SMIM23: variants seen among roughly 807,000 people sequenced by gnomAD.
SMIM23 encodes small integral membrane protein 23.
Under a neutral mutation model 12.8 loss-of-function variants are expected in SMIM23, and 10 were observed. That is an observed-to-expected ratio of 0.78 (90% confidence interval 0.48 to 1.32). The LOEUF is 1.32. Among genes scored for constraint, SMIM23 ranks in the 40% most tolerant of loss-of-function variants. SMIM23 has a pLI of 0.00. For missense variants in SMIM23, 184 were observed against 198.2 expected (o/e 0.93, Z 0.43); for synonymous variants, 78 against 80.1 (o/e 0.97, Z 0.14).
chr5:171,788,947 C>T (rs1296197395), intron 1 of SMIM23, among the ~76,000 whole-genome samples: 1 of 152,252 alleles, frequency 6.6e-6, no homozygotes, highest in African/African-American at 2.4e-5. Context: ...TCAAGCGATG[C>T]TCCTGCCTCA....
chr5:171,774,568 T>C, the SMIM23 span: 16 of 455,910 alleles, frequency 3.5e-5, no homozygotes, highest in Non-Finnish European at 7.1e-5. Flanking sequence ...TTATCTTGCG[T>C]AGGCCCATGG....
upstream of SMIM23, among the ~76,000 whole-genome samples, chr5:171,785,497 C>A (rs1356345134): frequency 2.0e-5 from 3 of 151,876 alleles, no homozygotes; most frequent in Non-Finnish European, 4.4e-5. Flanking sequence ...AATCCTCCAG[C>A]CTCAGCCTCC....
At chr5:171,784,104 A>C (rs958588586), upstream of SMIM23, among the ~76,000 whole-genome samples, 7 of 152,202 alleles carry the variant, frequency 4.6e-5, no homozygotes, top group African/African-American at 7.2e-5. Flanking sequence ...TTGCTTAATA[A>C]AATTTAAAAA....
At chr5:171,774,302 G>A in the SMIM23 span, 36 of 411,344 alleles carry the variant, frequency 8.8e-5, no homozygotes, top group South Asian at 6.2e-4. Context: ...TTGACATAAT[G>A]GCCTGTGAAA....
At chr5:171,785,600 TAGA>T (rs1181400610), upstream of SMIM23, among the ~76,000 whole-genome samples, 2 of 152,160 alleles carry the variant, frequency 1.3e-5, no homozygotes, top group Non-Finnish European at 2.9e-5. Context: ...CTTGCAAATA[TAGA>T]AGAAAATAAT....
At chr5:171,790,176 C>T (rs1408622279) in intron 1 of SMIM23, 54 bp from the exon 2 acceptor site, 14 of 1,507,822 alleles carry the variant, frequency 9.3e-6, no homozygotes, top group Non-Finnish European at 1.2e-5. Flanking sequence ...GCAGGGGGAC[C>T]TGGAGAGAAT....
At chr5:171,780,534 T>C (rs903373962), upstream of SMIM23, among the ~76,000 whole-genome samples, 12 of 152,228 alleles carry the variant, frequency 7.9e-5, no homozygotes, top group African/African-American at 2.9e-4. Flanking sequence ...AATTCATTAC[T>C]TTTTTTGTGT....
chr5:171,777,788 C>T (rs937016546), upstream of SMIM23, among the ~76,000 whole-genome samples: 6 of 152,162 alleles, frequency 3.9e-5, no homozygotes, highest in African/African-American at 1.4e-4. Context: ...CTCCATCCCT[C>T]CTTTCCTGGA....
chr5:171,780,004 T>TGAGACTTA, upstream of SMIM23, among the ~76,000 whole-genome samples: 1 of 152,210 alleles, frequency 6.6e-6, no homozygotes, highest in South Asian at 2.1e-4. Flanking sequence ...TTCAGATAAC[T>TGAGACTTA]GAGACTTAGA....
chr5:171,785,087 G>A (rs575373780), upstream of SMIM23, among the ~76,000 whole-genome samples: 673 of 152,288 alleles, frequency 4.4e-3, 3 homozygotes, highest in Non-Finnish European at 7.2e-3. Flanking sequence ...GCCCCTTGTA[G>A]TTTTGAAACT....
chr5:171,786,488 G>A (rs1036882136), intron 1 of SMIM23, among the ~76,000 whole-genome samples: 4 of 152,264 alleles, frequency 2.6e-5, no homozygotes, highest in Non-Finnish European at 4.4e-5. Context: ...CAAAAGGGCC[G>A]TACAACTGGG....
Position 171,790,915 on chromosome 5 carries a change from C to T in SMIM23, c.346C>T (p.Gln116Ter). 1 of 1,536,124 alleles carries T rather than the reference C, an allele frequency of 6.5e-7. No individual in the cohort carries two copies. Among genetic ancestry groups the T allele is most frequent in the Non-Finnish European group, 8.7e-7 (1 of 1,146,914 alleles). ...AGAGGAAGAGGTGCAGCAGCTGGAG[C>T]AGCTAGCGTGGGACCTGGAACTGTG... Reference protein sequence around the residue: ...KLEEEVQQLEQLAWDLELWLD... With the variant: ...KLEEEVQQLE Residue 116 changes from glutamine (Q) to a stop codon, truncating the protein, a stop_gained, in exon 4 of 4, where the codon CAG (glutamine) becomes TAG (stop). Transcript: ENST00000523047. LOFTEE classifies it low-confidence loss of function (END_TRUNC).
intron 1 of SMIM23, among the ~76,000 whole-genome samples, chr5:171,789,947 A>T (rs1561592107): frequency 6.6e-6 from 1 of 152,276 alleles, no homozygotes; most frequent in Non-Finnish European, 1.5e-5. Flanking sequence ...TATGTAAATT[A>T]TACCACAATG....
chr5:171,789,751 GA>G (rs1455389229), intron 1 of SMIM23, among the ~76,000 whole-genome samples: 1 of 152,202 alleles, frequency 6.6e-6, no homozygotes, highest in Non-Finnish European at 1.5e-5. Context: ...CACAGTGACA[GA>G]AAACAGATTA....
chr5:171,777,506 T>C (rs56193848), upstream of SMIM23, among the ~76,000 whole-genome samples: 24,690 of 152,208 alleles, frequency 0.16, 2,406 homozygotes, highest in African/African-American at 0.26. Context: ...GGCTGTGTGT[T>C]CATGTGTACA....
At chr5:171,778,848 T>G (rs17073958), upstream of SMIM23, among the ~76,000 whole-genome samples, 22,935 of 152,214 alleles carry the variant, frequency 0.15, 1,970 homozygotes, top group South Asian at 0.22. Context: ...CCAGTATTCC[T>G]TTCTGGTTCA....
At position 171,790,274 on chromosome 5, in the gene SMIM23, G is replaced by C; in HGVS notation, c.150G>C (p.Glu50Asp). 1.3e-6 allele frequency: 2 copies of C among 1,536,118 alleles called. No individual in the cohort carries two copies. The highest frequency in any genetic ancestry group is 1.7e-6 in the Non-Finnish European group (2 of 1,146,912). Residue 50 changes from glutamate (E) to aspartate (D), a missense_variant, in exon 2 of 4, where the codon GAG becomes GAC. Transcript: ENST00000523047. ...TCTTGGTGCTGTACTTGAGCACAGA[G>C]ATATGGGGTGAGCATTCTGGAATCT... ...LLILVLYLST[E>D]IWGSSWEVSE...
At chr5:171,777,002 C>T in the SMIM23 span, among the ~76,000 whole-genome samples, 1 of 151,930 alleles carries the variant, frequency 6.6e-6, no homozygotes, top group African/African-American at 2.4e-5. Context: ...CAGGCCACGA[C>T]AGAGTGCATG....
At chr5:171,782,667 G>A (rs543210599), upstream of SMIM23, 20 of 152,300 alleles carry the variant, frequency 1.3e-4, no homozygotes, top group South Asian at 1.4e-3. Flanking sequence ...ACTGAGCCAA[G>A]TACTGTGAAT....
Sources: gnomAD v4.1 joint callset for allele counts (sites outside exome capture counted in the v4.1 genomes callset) on GRCh38, gnomAD v4.1.1 for gene constraint, MANE v1.5 for transcripts, NCBI Gene and HGNC (gene_info 2026-07-23, HGNC 2026-07-21) for gene names.